The following ADAR variants were observed in gnomAD, a reference collection of about 807,000 sequenced individuals.
ADAR encodes double-stranded RNA-specific adenosine deaminase.
In ADAR, 41 loss-of-function variants were observed where a neutral mutation model predicts 113.2. The ratio of observed to expected loss-of-function variants is 0.36; its 90% CI spans 0.28 to 0.47. The LOEUF is 0.47. ADAR is among the 20% of genes least tolerant of loss of function. The pLI is 1.00. For synonymous variants in ADAR, 605 were observed against 572.6 expected (o/e 1.06, Z -0.81); for missense variants, 1,242 against 1,540.9 (o/e 0.81, Z 3.25).
At chr1:154,627,905 G>A (rs754694823) in exon 1 of ADAR, 1 of 518,244 alleles carries the variant, frequency 1.9e-6, no homozygotes, top group Non-Finnish European at 3.8e-6. Context: ...GACTGCCAGT[G>A]CGGCCGCGAC....
At position 154,601,194 on chromosome 1, in the gene ADAR, TAGA is replaced by T; in HGVS notation, c.1445_1447del (p.Phe482del). 1 of 1,614,188 alleles carries T rather than the reference TAGA, an allele frequency of 6.2e-7. No homozygotes were observed. The highest frequency in any genetic ancestry group is 8.5e-7 in the Non-Finnish European group (1 of 1,180,014). On this transcript the variant is annotated inframe_deletion, in exon 2 of 15. Coordinates refer to ENST00000368474, the MANE Select transcript of ADAR (RefSeq NM_001111.5). The surrounding 1 kb of genome is among the most constrained non-coding windows in gnomAD (Gnocchi z 4.7). ...TGAACACCGTGGCAAGCCATGACTG[TAGA>T]AGGAGGGCATCTCCATGATGGCTCG...
At chr1:154,603,192 G>T (rs1484578830) in intron 1 of ADAR, among the ~76,000 whole-genome samples, 1 of 152,112 alleles carries the variant, frequency 6.6e-6, no homozygotes, top group African/African-American at 2.4e-5. Context: ...AAGAAGAAAT[G>T]TGATTGGATG....
intron 2 of ADAR, among the ~76,000 whole-genome samples, chr1:154,599,604 C>T (rs545824772): frequency 1.3e-5 from 2 of 152,336 alleles, no homozygotes; most frequent in South Asian, 4.1e-4. Context: ...AATCTACACC[C>T]CTAGAAACCA....
At chr1:154,606,468 A>G (rs1179592236) in intron 1 of ADAR, among the ~76,000 whole-genome samples, 1 of 152,232 alleles carries the variant, frequency 6.6e-6, no homozygotes, top group African/African-American at 2.4e-5. Context: ...CCTAAACAAA[A>G]AGAGAAAATC....
chr1:154,625,261 C>G (rs1698901578), intron 1 of ADAR, among the ~76,000 whole-genome samples: 3 of 152,218 alleles, frequency 2.0e-5, no homozygotes, highest in South Asian at 4.1e-4. Context: ...TCCTTTCCCC[C>G]ACTGCACCAG....
At chr1:154,622,890 G>C (rs561890473) in intron 1 of ADAR, among the ~76,000 whole-genome samples, 18 of 90,042 alleles carry the variant, frequency 2.0e-4, no homozygotes, top group Non-Finnish European at 4.1e-4. Context: ...AGGTAGTTTT[G>C]TTTTGCTTTG....
At chr1:154,612,968 T>C (rs1698531424), upstream of ADAR, among the ~76,000 whole-genome samples, 2 of 151,416 alleles carry the variant, frequency 1.3e-5, no homozygotes, top group Admixed American at 1.3e-4. Context: ...CATGCCACCA[T>C]GCCTGGGTAA....
At chr1:154,596,156 C>G (rs989641944) in intron 6 of ADAR, among the ~76,000 whole-genome samples, 7 of 152,160 alleles carry the variant, frequency 4.6e-5, no homozygotes, top group Non-Finnish European at 1.0e-4. Context: ...TAATGCAGGG[C>G]TATAGTAATA....
chr1:154,608,176 G>T lies in ADAR; in HGVS notation c.-170C>A, dbSNP rs940816195. 10 of 777,250 alleles carry T rather than the reference G, an allele frequency of 1.3e-5. No homozygotes were observed. The African/African-American group carries it at 1.9e-4, about 15-fold the overall frequency. The allele number at this position is 777,250 out of a possible 1,614,324, so 48.1% of individuals were successfully genotyped here. A position where few individuals can be genotyped will look rare whatever the true frequency, so the allele number is the denominator to read the frequency against. ...CGGGTCTGCGCGCCGGGCCCAAGAT[G>T]GCTCCGGTTCAATTTCGCTTTCGTT... On this transcript the variant is annotated 5_prime_UTR_variant, in exon 1 of 15. Transcript: ENST00000368474.
intron 1 of ADAR, among the ~76,000 whole-genome samples, chr1:154,626,535 G>GAATAGCAAACATCTAA (rs1553218910): frequency 6.6e-6 from 1 of 152,172 alleles, no homozygotes; most frequent in Non-Finnish European, 1.5e-5. Context: ...ATATCTGGCA[G>GAATAGCAAACATCTAA]AATAGCAAAC....
chr1:154,608,166 G>A lies in ADAR; in HGVS notation c.-160C>T. On this transcript the variant is annotated 5_prime_UTR_variant, in exon 1 of 15. Transcript: ENST00000368474. The stretch of plus-strand genomic sequence containing the variant: ...GGAAACTCCGCGGGTCTGCGCGCCG[G>A]GCCCAAGATGGCTCCGGTTCAATTT... 1.2e-6 allele frequency: 1 copy of A among 812,744 alleles called. No homozygotes were observed. Among genetic ancestry groups the A allele is most frequent in the Non-Finnish European group, 1.8e-6 (1 of 555,138 alleles). The allele number at this position is 812,744 out of a possible 1,614,324, so 50.3% of individuals were successfully genotyped here. A position where few individuals can be genotyped will look rare whatever the true frequency, so the allele number is the denominator to read the frequency against.
chr1:154,588,769 T>A, intron 9 of ADAR, 96 bp from the exon 10 acceptor site: 1 of 1,541,644 alleles, frequency 6.5e-7, no homozygotes, highest in Non-Finnish European at 8.9e-7. Context: ...TAAGGAAAAG[T>A]CTCAATGTTG....
chr1:154,584,424 A>T lies in ADAR; in HGVS notation c.*382T>A, dbSNP rs1696608023. 1 of 219,184 alleles carries T rather than the reference A, an allele frequency of 4.6e-6. No individual in the cohort carries two copies. The highest frequency in any genetic ancestry group is 5.2e-5 in the Admixed American group (1 of 19,196). The allele number at this position is 219,184 out of a possible 1,614,324, so 13.6% of individuals were successfully genotyped here. On this transcript the variant is annotated 3_prime_UTR_variant, in exon 15 of 15. Coordinates refer to ENST00000368474, the MANE Select transcript of ADAR (RefSeq NM_001111.5). ...CCTGACATGATCCAGAGTTGACTGAAACCTAATCAAGACCGCAAGAGGTCA... is the reference window on the plus strand; with the variant it reads ...CCTGACATGATCCAGAGTTGACTGATACCTAATCAAGACCGCAAGAGGTCA...
chr1:154,617,456 C>T (rs1698664341), intron 1 of ADAR, among the ~76,000 whole-genome samples: 1 of 152,120 alleles, frequency 6.6e-6, no homozygotes, highest in Non-Finnish European at 1.5e-5. Flanking sequence ...ATCACCTTTC[C>T]CTCCTAAGCT....
intron 1 of ADAR, among the ~76,000 whole-genome samples, chr1:154,605,584 T>TG (rs1698144328): frequency 6.6e-6 from 1 of 152,074 alleles, no homozygotes; most frequent in Non-Finnish European, 1.5e-5. Context: ...GGTGAGCTCT[T>TG]GGGGGTCAAG....
intron 1 of ADAR, among the ~76,000 whole-genome samples, chr1:154,619,469 G>A (rs1167395715): frequency 6.6e-6 from 1 of 152,192 alleles, no homozygotes; most frequent in East Asian, 1.9e-4. Flanking sequence ...AACCAACACA[G>A]CACTGCCTGA....
At chr1:154,593,711 T>C (rs1697315958) in intron 6 of ADAR, among the ~76,000 whole-genome samples, 2 of 152,190 alleles carry the variant, frequency 1.3e-5, no homozygotes, top group South Asian at 2.1e-4. Context: ...GTGTTCTAAA[T>C]TGGGTCATGT....
At position 154,602,628 on chromosome 1, in the gene ADAR, T is replaced by C. The variant is rs111354630; in HGVS notation, c.16-2A>G. On this transcript the variant is annotated splice_acceptor_variant, in intron 1 of 14. Coordinates refer to ENST00000368474, the MANE Select transcript of ADAR (RefSeq NM_001111.5). LOFTEE classifies it high-confidence loss of function. Reference sequence around the variant, plus strand: ...GTAGTATCCGCTGAGGGAATACCCCTGCAGAATAAGACAGTGGAAAAAGAA... The same window carrying C: ...GTAGTATCCGCTGAGGGAATACCCCCGCAGAATAAGACAGTGGAAAAAGAA... 5 of 1,613,810 alleles carry C rather than the reference T, an allele frequency of 3.1e-6. No individual in the cohort carries two copies. The highest frequency in any genetic ancestry group is 3.4e-6 in the Non-Finnish European group (4 of 1,180,026).
intron 14 of ADAR, 44 bp from the exon 15 acceptor site, chr1:154,585,087 A>G (rs747744936): frequency 8.6e-5 from 138 of 1,611,622 alleles, no homozygotes; most frequent in Admixed American, 3.3e-5. Context: ...GACCTGTAAG[A>G]TAAGGAGCTC....
Sources: allele counts gnomAD v4.1 joint callset (sites outside exome capture counted in the v4.1 genomes callset), GRCh38; gene constraint gnomAD v4.1.1; non-coding constraint Gnocchi (gnomAD v3.1); transcripts MANE v1.5; gene names NCBI Gene and HGNC (gene_info 2026-07-23, HGNC 2026-07-21).